The following AP1AR variants were observed in gnomAD, a reference collection of about 807,000 sequenced individuals.
The protein encoded by AP1AR is adaptor related protein complex 1 associated regulatory protein.
AP1AR carries 29 observed loss-of-function variants against 46.3 expected under a neutral mutation model. That is an observed-to-expected ratio of 0.63 (90% CI 0.47 to 0.85). The LOEUF is 0.85. AP1AR is among the 40% of genes least tolerant of loss of function. The probability of loss-of-function intolerance (pLI) is 0.00; values close to 1 mark genes in which losing one functional copy is unlikely to be tolerated. For synonymous variants in AP1AR, 122 were observed against 122.9 expected, an observed-to-expected ratio of 0.99 and a Z score of 0.05; for missense variants, 357 against 356.3, an observed-to-expected ratio of 1.00 and a Z score of -0.02.
Position 112,271,233 on chromosome 4 carries a change from C to T in AP1AR, c.*2824C>T, listed in dbSNP as rs1037838704. On this transcript the variant is annotated 3_prime_UTR_variant, in exon 10 of 10. Coordinates refer to ENST00000274000, the MANE Select transcript of AP1AR (RefSeq NM_018569.6). ...GATCCTCCATGGCAAGATAGGCCAT[C>T]GTAAAGGAGCTGTCAAAGGGCCATT... Among the ~76,000 whole-genome samples, 1 of 152,322 alleles carries T rather than the reference C, an allele frequency of 6.6e-6. No individual in the cohort carries two copies. Among genetic ancestry groups the T allele is most frequent in the South Asian group, 2.1e-4 (1 of 4,824 alleles).
chr4:112,262,207 T>A lies in AP1AR; in HGVS notation c.283-781T>A, dbSNP rs1042187901. Reference sequence around the variant, plus strand: ...CGCACGCCTGTAGTCCCAGCTACTCTGGAGGCTGAGGTGGGAGAATGGTTT... The same window carrying A: ...CGCACGCCTGTAGTCCCAGCTACTCAGGAGGCTGAGGTGGGAGAATGGTTT... On this transcript the variant is annotated intron_variant, in intron 5 of 9. Transcript: ENST00000274000. Among the ~76,000 whole-genome samples the A allele has an allele frequency of 2.6e-5, 4 of 151,242 alleles. No individual in the cohort carries two copies. In the South Asian group the frequency reaches 8.4e-4, roughly 32 times the overall value.
At chr4:112,268,112 T>C (rs745382788) in intron 9 of AP1AR, 32 bp from the exon 10 acceptor site, 2 of 1,505,910 alleles carry the variant, frequency 1.3e-6, no homozygotes, top group Non-Finnish European at 1.8e-6. Flanking sequence ...TTATCTGTTC[T>C]GAGATTTTTG....
intron 9 of AP1AR, 133 bp from the exon 10 acceptor site, chr4:112,268,011 G>A: frequency 1.2e-6 from 1 of 860,570 alleles, no homozygotes; most frequent in Non-Finnish European, 1.6e-6. Flanking sequence ...GGCCTCCATG[G>A]GACTGGGTCT....
intron 3 of AP1AR, among the ~76,000 whole-genome samples, 174 bp from the exon 4 acceptor site, chr4:112,257,598 G>GC (rs1396039427): frequency 1.3e-5 from 2 of 151,940 alleles, no homozygotes; most frequent in Non-Finnish European, 2.9e-5. Context: ...AAATTTTAAA[G>GC]CTTTTTGTTT....
At position 112,273,081 on chromosome 4, in the gene AP1AR, C is replaced by T. The variant is rs1294340682; in HGVS notation, c.*4672C>T. On this transcript the variant is annotated 3_prime_UTR_variant, in exon 10 of 10. Coordinates refer to ENST00000274000, the MANE Select transcript of AP1AR (RefSeq NM_018569.6). ...AATCCTAAATGTAAAACAACAACAA[C>T]AATAACAATAAAAATGGAGAGAAAC... is the stretch of plus-strand genomic sequence containing the variant. 6.6e-6 allele frequency: 1 copy of T among 151,864 alleles called. No individual in the cohort carries two copies. The highest frequency in any genetic ancestry group is 1.5e-5 in the Non-Finnish European group (1 of 67,964). 9.4% of individuals were successfully genotyped at this position (151,864 alleles called of 1,614,324 possible). A position where few individuals can be genotyped will look rare whatever the true frequency, so the allele number is the denominator to read the frequency against.
In AP1AR at chr4:112,253,216, A is replaced by G; in HGVS notation, c.92A>G (p.Tyr31Cys). The change falls in exon 2 of 10, where the codon TAT (tyrosine) becomes TGT (cysteine). Residue 31 changes from tyrosine (Y) to cysteine (C), a missense_variant. This residue lies in a region of AP1AR where 269 missense variants were observed against 223.6 expected (regional missense o/e 1.20). Coordinates refer to ENST00000274000, the MANE Select transcript of AP1AR (RefSeq NM_018569.6). ...QRVGGGGGSKYFRTCSRGEHL... is the reference protein window; with the variant it reads ...QRVGGGGGSKCFRTCSRGEHL... ...TCTGTTTTCCTTCCCAGATCCAAGT[A>G]TTTTAGAACATGCTCAAGAGGTGAG... 1.2e-6 allele frequency: 2 copies of G among 1,610,242 alleles called. No homozygotes were observed. The highest frequency in any genetic ancestry group is 2.2e-5 in the East Asian group (1 of 44,760).
intron 1 of AP1AR, 53 bp downstream of exon 1, chr4:112,232,227 C>A: frequency 1.6e-6 from 2 of 1,252,098 alleles, no homozygotes; most frequent in Non-Finnish European, 2.0e-6. Context: ...TCTTCGGCCC[C>A]CGGCGGGGAA....
chr4:112,272,084 G>A lies in AP1AR; in HGVS notation c.*3675G>A, dbSNP rs1241240677. On this transcript the variant is annotated 3_prime_UTR_variant, in exon 10 of 10. Coordinates refer to ENST00000274000, the MANE Select transcript of AP1AR (RefSeq NM_018569.6). ...TTTGGAGACAGTTACACAAATGAAG[G>A]GATGGAAACTGGGGAGTTGGGGATG... is the stretch of plus-strand genomic sequence containing the variant. Among the ~76,000 whole-genome samples the A allele has an allele frequency of 3.9e-5, 6 of 152,184 alleles. No individual in the cohort carries two copies. Among genetic ancestry groups the A allele is most frequent in the African/African-American group, 1.4e-4 (6 of 41,446 alleles).
At chr4:112,241,919 T>G (rs529022487) in intron 1 of AP1AR, among the ~76,000 whole-genome samples, 1 of 152,318 alleles carries the variant, frequency 6.6e-6, no homozygotes, top group South Asian at 2.1e-4. Context: ...CTTGGGAAGC[T>G]TTTAATTTTT....
At position 112,271,051 on chromosome 4, in the gene AP1AR, A is replaced by G. The variant is rs577722610; in HGVS notation, c.*2642A>G. ...ATCAGGATTTTCTGATGGGTTGGAT[A>G]TAAGACTAAAGGAAGGGGTAGAATC... On this transcript the variant is annotated 3_prime_UTR_variant, in exon 10 of 10. Transcript: ENST00000274000. Among the ~76,000 whole-genome samples, 4 of 152,308 alleles carry G rather than the reference A, an allele frequency of 2.6e-5. No individual in the cohort carries two copies. The highest frequency in any genetic ancestry group is 9.6e-5 in the African/African-American group (4 of 41,574).
chr4:112,261,073 G>C (rs1248840467), intron 5 of AP1AR, among the ~76,000 whole-genome samples: 1 of 152,126 alleles, frequency 6.6e-6, no homozygotes, highest in Non-Finnish European at 1.5e-5. Context: ...AATGGAGATA[G>C]TACATTCTTT....
chr4:112,235,323 T>C (rs544778853), intron 1 of AP1AR, among the ~76,000 whole-genome samples: 3 of 152,342 alleles, frequency 2.0e-5, no homozygotes, highest in Middle Eastern at 3.4e-3. Context: ...CCTATTTCTA[T>C]ATTACTGTAT....
chr4:112,243,061 G>A (rs1303788248), intron 1 of AP1AR, among the ~76,000 whole-genome samples: 1 of 152,166 alleles, frequency 6.6e-6, no homozygotes, highest in Non-Finnish European at 1.5e-5. Flanking sequence ...AGAATAGTGG[G>A]TTGCTGCCCA....
chr4:112,238,336 C>T (rs1725341077), intron 1 of AP1AR, among the ~76,000 whole-genome samples: 2 of 152,134 alleles, frequency 1.3e-5, no homozygotes, highest in South Asian at 2.1e-4. Context: ...CTAACTTTGG[C>T]AAAAACACCA....
intron 1 of AP1AR, among the ~76,000 whole-genome samples, chr4:112,246,339 C>G (rs1343701826): frequency 1.3e-5 from 2 of 152,112 alleles, no homozygotes; most frequent in African/African-American, 2.4e-5. Context: ...ACCCCCATCT[C>G]TACTAAAAAT....
intron 1 of AP1AR, among the ~76,000 whole-genome samples, chr4:112,246,982 C>T (rs1303107615): frequency 1.3e-5 from 2 of 152,168 alleles, no homozygotes; most frequent in South Asian, 4.1e-4. Flanking sequence ...CCTTCTGTTT[C>T]CTTAAGTTAA....
intron 1 of AP1AR, among the ~76,000 whole-genome samples, chr4:112,242,837 G>A (rs1170871715): frequency 6.6e-6 from 1 of 152,158 alleles, no homozygotes; most frequent in Non-Finnish European, 1.5e-5. Flanking sequence ...TAGTAGAGTG[G>A]ATACGCAGAA....
chr4:112,245,395 G>T (rs1262177631), intron 1 of AP1AR, among the ~76,000 whole-genome samples: 1 of 152,082 alleles, frequency 6.6e-6, no homozygotes, highest in African/African-American at 2.4e-5. Flanking sequence ...ACATGGAGGG[G>T]GAAGAATTAA....
intron 5 of AP1AR, among the ~76,000 whole-genome samples, chr4:112,261,189 T>C (rs909700633): frequency 1.3e-5 from 2 of 152,188 alleles, no homozygotes; most frequent in Admixed American, 6.5e-5. Context: ...TCCCAGCACA[T>C]TGGGTGGCCG....
Sources: allele counts gnomAD v4.1 joint callset (sites outside exome capture counted in the v4.1 genomes callset), GRCh38; gene constraint gnomAD v4.1.1; regional missense constraint gnomAD v4.1.1; transcripts MANE v1.5; gene names NCBI Gene and HGNC (gene_info 2026-07-23, HGNC 2026-07-21).